Variants in SLC39A6 observed in about 807,000 individuals in gnomAD.
The protein encoded by SLC39A6 is solute carrier family 39 member 6.
Under a neutral mutation model 63.5 loss-of-function variants are expected in SLC39A6, and 51 were observed. That is an observed-to-expected ratio of 0.80 (90% CI 0.64 to 1.01). The LOEUF is 1.01. Among genes scored for constraint, SLC39A6 ranks in the 50% least tolerant of loss-of-function variants. The pLI is 0.00. For missense variants in SLC39A6, 805 were observed against 927.8 expected (o/e 0.87, Z 1.72); for synonymous variants, 318 against 324.7 (o/e 0.98, Z 0.22).
rs377047184 is a variant in SLC39A6, at chr18:36,124,683, C to G, written c.807G>C (p.Lys269Asn). The change falls in exon 3 of 10, where the codon AAG becomes AAC. Residue 269 changes from lysine to asparagine, a missense_variant. This residue lies in a region of SLC39A6 where 639 missense variants were observed against 644.0 expected (regional missense o/e 0.99). Transcript: ENST00000269187. ...ENPQECFNAS[K>N]LLTSHGMGIQ... ...TGCCCATGCCATGAGATGTCAGTAG[C>G]TTTGATGCATTGAAACACTGAAAGA... The G allele has an allele frequency of 1.9e-5, 30 of 1,550,976 alleles. No individual in the cohort carries two copies. Among genetic ancestry groups the G allele is most frequent in the Non-Finnish European group, 2.6e-5 (29 of 1,132,502 alleles).
At chr18:36,114,819 T>C (rs1013590118) in intron 6 of SLC39A6, among the ~76,000 whole-genome samples, 3 of 152,188 alleles carry the variant, frequency 2.0e-5, no homozygotes, top group Non-Finnish European at 2.9e-5. Flanking sequence ...AAACATGTTA[T>C]GTTATTTAAA....
chr18:36,116,834 G>C, intron 5 of SLC39A6, 55 bp from the exon 6 acceptor site: 3 of 1,270,356 alleles, frequency 2.4e-6, no homozygotes, highest in South Asian at 2.5e-5. Context: ...TATATGTACA[G>C]CTTTCAATCA....
At position 36,112,609 on chromosome 18, in the gene SLC39A6, T is replaced by C; in HGVS notation, c.1844-28A>G. On this transcript the variant is annotated intron_variant, in intron 7 of 9. Coordinates refer to ENST00000269187, the MANE Select transcript of SLC39A6 (RefSeq NM_012319.4). Reference sequence around the variant, plus strand: ...GTGTAAAAATCAATCAGAAAAAGTTTGGCTACATTAATTTGTGTTTTTTAA... The same window carrying C: ...GTGTAAAAATCAATCAGAAAAAGTTCGGCTACATTAATTTGTGTTTTTTAA... The C allele has an allele frequency of 2.6e-6, 4 of 1,565,844 alleles. No homozygotes were observed. In the East Asian group the frequency reaches 6.7e-5, roughly 26 times the overall value.
At position 36,126,898 on chromosome 18, in the gene SLC39A6, C is replaced by T. The variant is rs763912491; in HGVS notation, c.110G>A (p.Ser37Asn). 10 of 1,614,140 alleles carry T rather than the reference C, an allele frequency of 6.2e-6. No individual in the cohort carries two copies. The highest frequency in any genetic ancestry group is 8.5e-6 in the Non-Finnish European group (10 of 1,180,036). The change falls in exon 2 of 10, where the codon AGT becomes AAT. Residue 37 changes from serine to asparagine, a missense_variant. Physicochemically the swap from Ser to Asn is conservative, Grantham distance 46. Coordinates refer to ENST00000269187, the MANE Select transcript of SLC39A6 (RefSeq NM_012319.4). ...ATTAATGCCAGATTCCCAATTCGGA[C>T]TAATTTTCTCAGTGGTCTGGGGGAA... is the stretch of plus-strand genomic sequence containing the variant. ...AAFPQTTEKISPNWESGINVD... is the reference protein window; with the variant it reads ...AAFPQTTEKINPNWESGINVD...
chr18:36,122,913 G>T (rs544899148), intron 4 of SLC39A6, among the ~76,000 whole-genome samples: 4 of 152,336 alleles, frequency 2.6e-5, no homozygotes, highest in South Asian at 2.1e-4. Context: ...TGGAACATGA[G>T]ATTTGTAGTG....
rs1390808921 is a variant in SLC39A6 at position 36,126,684 on chromosome 18, A to G, written c.324T>C (p.His108=). The stretch of plus-strand genomic sequence containing the variant: ...GATGCTCATGGTCTGAGTGACGCTC[A>G]TGGTCTGAGTGATGCTCGTGGTCTG... ...HHSDHEHHSD[H]ERHSDHEHHS... Residue 108 remains histidine (H), a synonymous_variant, in exon 2 of 10, where the codon CAT becomes CAC. Transcript: ENST00000269187. 7 of 1,603,110 alleles carry G rather than the reference A, an allele frequency of 4.4e-6. No homozygotes were observed. Among genetic ancestry groups the G allele is most frequent in the South Asian group, 1.1e-5 (1 of 90,010 alleles).
chr18:36,123,441 T>C, intron 4 of SLC39A6, 54 bp downstream of exon 4: 3 of 1,466,850 alleles, frequency 2.0e-6, no homozygotes, highest in Non-Finnish European at 9.1e-7. Context: ...ACCAAAACAT[T>C]TTTTTTTCAA....
intron 7 of SLC39A6, 133 bp downstream of exon 7, chr18:36,113,964 G>C: frequency 8.5e-7 from 1 of 1,182,550 alleles, no homozygotes; most frequent in Non-Finnish European, 1.1e-6. Context: ...AAAAGAAAAA[G>C]TAACATTTTT....
At chr18:36,111,033 T>C (rs199866345) in intron 9 of SLC39A6, 26 bp downstream of exon 9, 203 of 1,610,640 alleles carry the variant, frequency 1.3e-4, no homozygotes, top group Non-Finnish European at 1.6e-4. Flanking sequence ...TGGTCAATAA[T>C]GTAATAAGAC....
chr18:36,126,636 A>T lies in SLC39A6; in HGVS notation c.372T>A (p.Ser124=), dbSNP rs1156255354. The stretch of plus-strand genomic sequence containing the variant: ...TATGGTGAGAGTGATGATCATGGTC[A>T]GAGTGATGCTCGTGCTCTGAGTGAT... The part of the protein sequence containing the change: ...HEHHSEHEHH[S]DHDHHSHHNH... Residue 124 remains serine, a synonymous_variant, in exon 2 of 10, where the codon TCT becomes TCA. Transcript: ENST00000269187. 6.2e-7 allele frequency: 1 copy of T among 1,613,238 alleles called. No individual in the cohort carries two copies. Among genetic ancestry groups the T allele is most frequent in the South Asian group, 1.1e-5 (1 of 91,020 alleles).
intron 5 of SLC39A6, among the ~76,000 whole-genome samples, chr18:36,120,693 A>G (rs966681022): frequency 2.0e-5 from 3 of 152,178 alleles, no homozygotes; most frequent in African/African-American, 7.2e-5. Flanking sequence ...GTGTCTTGCT[A>G]TGTTGCCCAG....
chr18:36,113,389 G>A (rs141018014), intron 7 of SLC39A6, among the ~76,000 whole-genome samples: 1,687 of 152,044 alleles, frequency 0.011, 26 homozygotes, highest in African/African-American at 0.032. Flanking sequence ...ATGAGCTACC[G>A]CACCCAGCCG....
intron 2 of SLC39A6, among the ~76,000 whole-genome samples, chr18:36,125,058 G>A (rs1019669903): frequency 6.6e-6 from 1 of 152,198 alleles, no homozygotes; most frequent in Non-Finnish European, 1.5e-5. Context: ...ATCAGAGATT[G>A]AGAAATATGT....
chr18:36,123,380 A>C (rs2089409493), intron 4 of SLC39A6, 115 bp downstream of exon 4: 1 of 905,926 alleles, frequency 1.1e-6, no homozygotes, highest in Admixed American at 2.8e-5. Context: ...TTTTAAAATA[A>C]GCTTTTCTAA....
At chr18:36,125,350 G>GAAAAAAAAAAAAAA (rs72307025) in intron 2 of SLC39A6, among the ~76,000 whole-genome samples, 4 of 134,028 alleles carry the variant, frequency 3.0e-5, no homozygotes, top group South Asian at 2.4e-4. Context: ...AGCCAAAAAA[G>GAAAAAAAAAAAAAA]AAAAAAAAAA....
In SLC39A6 at chr18:36,122,238, A is replaced by T; in HGVS notation, c.1173T>A (p.His391Gln). ...SHASHHHSHS[H>Q]EEPAMEMKRG... The stretch of plus-strand genomic sequence containing the variant: ...TTTTCATTTCCATTGCTGGTTCTTC[A>T]TGGCTATGACTATGGTGGTGACTTG... The change falls in exon 5 of 10, where the codon CAT becomes CAA. Residue 391 changes from histidine to glutamine, a missense_variant. Physicochemically the swap from His to Gln is conservative, Grantham distance 24 (BLOSUM62 0). Coordinates refer to ENST00000269187, the MANE Select transcript of SLC39A6 (RefSeq NM_012319.4). The T allele has an allele frequency of 6.2e-7, 1 of 1,614,050 alleles. No individual in the cohort carries two copies. The highest frequency in any genetic ancestry group is 1.1e-5 in the South Asian group (1 of 91,086).
Position 36,109,527 on chromosome 18 carries a change from C to T in SLC39A6, c.*66G>A. 1 of 1,313,286 alleles carries T rather than the reference C, an allele frequency of 7.6e-7. No homozygotes were observed. The highest frequency in any genetic ancestry group is 1.1e-6 in the Non-Finnish European group (1 of 932,598). 81.4% of individuals were successfully genotyped at this position (1,313,286 alleles called of 1,614,324 possible). On this transcript the variant is annotated 3_prime_UTR_variant, in exon 10 of 10. Coordinates refer to ENST00000269187, the MANE Select transcript of SLC39A6 (RefSeq NM_012319.4). ...AACGCTGCATAGTACAGCATACAAA[C>T]TCATCTCCCTATGACCTACTGAAAC... is the stretch of plus-strand genomic sequence containing the variant.
chr18:36,118,290 A>G (rs939835532), intron 5 of SLC39A6, among the ~76,000 whole-genome samples: 8 of 152,206 alleles, frequency 5.3e-5, no homozygotes, highest in African/African-American at 1.9e-4. Flanking sequence ...TAAGCCCCAC[A>G]GTCTCTGTTC....
intron 5 of SLC39A6, among the ~76,000 whole-genome samples, chr18:36,120,415 T>C (rs1183740026): frequency 6.6e-6 from 1 of 152,192 alleles, no homozygotes; most frequent in Non-Finnish European, 1.5e-5. Flanking sequence ...TTAGGTCCAC[T>C]AAAGAGAAGG....
Sources: gnomAD v4.1 joint callset for allele counts (sites outside exome capture counted in the v4.1 genomes callset) on GRCh38, gnomAD v4.1.1 for gene constraint, gnomAD v4.1.1 regional missense constraint, MANE v1.5 for transcripts, NCBI Gene and HGNC (gene_info 2026-07-23, HGNC 2026-07-21) for gene names.